NFIA: variants seen among roughly 807,000 people sequenced by gnomAD.
NFIA encodes the protein nuclear factor I A.
NFIA carries 8 observed loss-of-function variants against 62.8 expected under a neutral mutation model. The ratio of observed to expected loss-of-function variants is 0.13; its 90% confidence interval spans 0.07 to 0.23. NFIA has a LOEUF of 0.23. NFIA is among the 10% of genes least tolerant of loss of function. NFIA has a pLI of 1.00. For synonymous variants in NFIA, 235 were observed against 238.1 expected, an observed-to-expected ratio of 0.99 and a Z score of 0.12; for missense variants, 410 against 642.1, an observed-to-expected ratio of 0.64 and a Z score of 3.91.
At chr1:61,086,501 A>G (rs550728703) in intron 1 of NFIA, among the ~76,000 whole-genome samples, 19 of 152,292 alleles carry the variant, frequency 1.2e-4, no homozygotes, top group Non-Finnish European at 2.6e-4. Flanking sequence ...TAAAGAATGC[A>G]CACGTGTTAC....
At chr1:61,357,393 A>G (rs573264284) in intron 5 of NFIA, among the ~76,000 whole-genome samples, 1 of 152,194 alleles carries the variant, frequency 6.6e-6, no homozygotes, top group Admixed American at 6.5e-5. Flanking sequence ...AAGGGGAGGC[A>G]AGGTTGGAAG....
At chr1:61,432,461 G>A (rs1160525945) in intron 10 of NFIA, among the ~76,000 whole-genome samples, 1 of 151,666 alleles carries the variant, frequency 6.6e-6, no homozygotes, top group Admixed American at 6.6e-5. Context: ...CGCCATTCCC[G>A]GGCTCCTGCC....
intron 2 of NFIA, among the ~76,000 whole-genome samples, chr1:61,136,920 A>C (rs1326790487): frequency 6.6e-6 from 1 of 152,232 alleles, no homozygotes; most frequent in Admixed American, 6.5e-5. Context: ...GAAAATTAAA[A>C]TAGTAAGTAT....
intron 6 of NFIA, among the ~76,000 whole-genome samples, chr1:61,361,871 C>A (rs1012068788): frequency 6.7e-5 from 10 of 149,936 alleles, no homozygotes; most frequent in African/African-American, 2.5e-4. Context: ...AGTTGTATTC[C>A]TGGACTGACT....
chr1:61,402,518 AT>A (rs769685612), intron 7 of NFIA, among the ~76,000 whole-genome samples: 3 of 152,182 alleles, frequency 2.0e-5, no homozygotes, highest in Non-Finnish European at 4.4e-5. Context: ...TTCTGGGGAT[AT>A]TGCAGTGGGT....
intron 2 of NFIA, among the ~76,000 whole-genome samples, chr1:61,237,539 G>A (rs1655081125): frequency 6.6e-6 from 1 of 152,186 alleles, no homozygotes; most frequent in African/African-American, 2.4e-5. Context: ...ATAGGTAAAA[G>A]CAAGTAAACA....
At chr1:61,245,114 C>A (rs1350512650) in intron 2 of NFIA, among the ~76,000 whole-genome samples, 6 of 152,134 alleles carry the variant, frequency 3.9e-5, no homozygotes, top group Admixed American at 6.5e-5. Flanking sequence ...AATGGCATTT[C>A]ATGCATTAGT....
chr1:61,227,060 C>T (rs1444181556), intron 2 of NFIA, among the ~76,000 whole-genome samples: 1 of 152,200 alleles, frequency 6.6e-6, no homozygotes, highest in Non-Finnish European at 1.5e-5. Flanking sequence ...GTTTAAAGCA[C>T]CATTCACTGG....
intron 2 of NFIA, among the ~76,000 whole-genome samples, chr1:61,205,901 CTTTTTT>C (rs199804398): frequency 1.6e-5 from 2 of 122,504 alleles, no homozygotes; most frequent in African/African-American, 6.3e-5. Context: ...TTTTGCAGCC[CTTTTTT>C]TTTTTTTTTT....
At chr1:61,246,738 A>T (rs1309069451) in intron 2 of NFIA, among the ~76,000 whole-genome samples, 1 of 152,234 alleles carries the variant, frequency 6.6e-6, no homozygotes, top group Non-Finnish European at 1.5e-5. Flanking sequence ...TGCAATCAGA[A>T]GTATAATCAT....
intron 6 of NFIA, among the ~76,000 whole-genome samples, chr1:61,379,757 T>C (rs1357071042): frequency 6.6e-6 from 1 of 152,058 alleles, no homozygotes; most frequent in Non-Finnish European, 1.5e-5. Context: ...CTCACTATAT[T>C]GTCCAGGCTG....
chr1:61,435,592 G>A (rs1273055570), intron 10 of NFIA, among the ~76,000 whole-genome samples: 1 of 152,120 alleles, frequency 6.6e-6, no homozygotes, highest in Non-Finnish European at 1.5e-5. Context: ...AAAAGGCCCT[G>A]CTATTCCTCC....
chr1:61,332,612 G>A, intron 4 of NFIA, 26 bp downstream of exon 4: 1 of 1,601,852 alleles, frequency 6.2e-7, no homozygotes, highest in Non-Finnish European at 8.5e-7. Flanking sequence ...CTTTGATTTG[G>A]TACAGATTTG....
At chr1:61,440,295 A>G (rs1667517299) in intron 10 of NFIA, among the ~76,000 whole-genome samples, 1 of 152,234 alleles carries the variant, frequency 6.6e-6, no homozygotes, top group Non-Finnish European at 1.5e-5. Context: ...GAATCCCACT[A>G]TCATTACTAA....
intron 2 of NFIA, among the ~76,000 whole-genome samples, chr1:61,115,582 T>C (rs534747811): frequency 6.6e-6 from 1 of 152,186 alleles, no homozygotes; most frequent in South Asian, 2.1e-4. Flanking sequence ...GAGATGGGCA[T>C]ATGTAGCGTG....
At chr1:61,269,071 A>G (rs1657353843) in intron 2 of NFIA, among the ~76,000 whole-genome samples, 2 of 152,192 alleles carry the variant, frequency 1.3e-5, no homozygotes, top group East Asian at 3.9e-4. Flanking sequence ...GAATACAAAC[A>G]AGTAGAGTCC....
At chr1:61,362,777 G>C (rs915081956) in intron 6 of NFIA, among the ~76,000 whole-genome samples, 6 of 152,176 alleles carry the variant, frequency 3.9e-5, no homozygotes, top group African/African-American at 1.4e-4. Context: ...CTCGTACTTA[G>C]TTTTGTTTCC....
At chr1:61,305,543 T>TACCCCCATGCAG in intron 3 of NFIA, among the ~76,000 whole-genome samples, 1 of 152,302 alleles carries the variant, frequency 6.6e-6, no homozygotes, top group South Asian at 2.1e-4. Flanking sequence ...TGAAATCTGA[T>TACCCCCATGCAG]ACCCCCATGC....
At chr1:61,300,722 T>C (rs1016724819) in intron 3 of NFIA, among the ~76,000 whole-genome samples, 2 of 152,006 alleles carry the variant, frequency 1.3e-5, no homozygotes, top group East Asian at 3.9e-4. Context: ...TATATGTATA[T>C]ACACACACAC....
Sources: gnomAD v4.1 joint callset for allele counts (sites outside exome capture counted in the v4.1 genomes callset) on GRCh38, gnomAD v4.1.1 for gene constraint, MANE v1.5 for transcripts, NCBI Gene and HGNC (gene_info 2026-07-23, HGNC 2026-07-21) for gene names.